Variants in KCNT1 observed in about 807,000 individuals in gnomAD.
KCNT1 encodes the protein potassium sodium-activated channel subfamily T member 1, also known as potassium channel subfamily T member 1.
A neutral mutation model predicts 147.8 loss-of-function variants in KCNT1; 78 were observed. The ratio of observed to expected loss-of-function variants is 0.53; its 90% CI spans 0.44 to 0.64. The LOEUF (loss-of-function observed/expected upper bound fraction) is 0.64, where lower values mean the gene tolerates loss of function less well. Ranked by LOEUF, KCNT1 falls within the 30% of genes least tolerant of loss-of-function variation. KCNT1 has a pLI of 0.00. For synonymous variants in KCNT1, 867 were observed against 748.8 expected (o/e 1.16, Z -2.58); for missense variants, 1,419 against 1,750.3 (o/e 0.81, Z 3.38).
intron 2 of KCNT1, among the ~76,000 whole-genome samples, chr9:135,737,460 C>T (rs1015279622): frequency 3.3e-4 from 50 of 152,180 alleles, no homozygotes; most frequent in African/African-American, 1.1e-3. Context: ...TGCCAGGAGC[C>T]GTTCTAGATG....
chr9:135,725,051 G>T (rs374166413), intron 2 of KCNT1, among the ~76,000 whole-genome samples: 24 of 152,330 alleles, frequency 1.6e-4, no homozygotes, highest in East Asian at 1.4e-3. Context: ...AGGCAACTGC[G>T]TGGGGGGGCG....
chr9:135,703,325 G>A (rs1411679182), intron 1 of KCNT1, among the ~76,000 whole-genome samples: 1 of 152,210 alleles, frequency 6.6e-6, no homozygotes, highest in Admixed American at 6.5e-5. Context: ...CCTGAGAGCG[G>A]GAGGCCTGGT....
intron 7 of KCNT1, 48 bp downstream of exon 7, chr9:135,756,980 C>T: frequency 7.8e-7 from 1 of 1,280,404 alleles, no homozygotes; most frequent in Non-Finnish European, 1.1e-6. Context: ...CCCACCCTCC[C>T]CACCCTCCCC....
chr9:135,786,603 C>T (rs1189101093), intron 29 of KCNT1, 82 bp downstream of exon 29: 46 of 1,317,498 alleles, frequency 3.5e-5, no homozygotes, highest in East Asian at 1.4e-4. Context: ...TCGGCCACGG[C>T]GTCCCGGGGC....
intron 13 of KCNT1, among the ~76,000 whole-genome samples, chr9:135,767,021 C>T (rs1832336554): frequency 6.6e-6 from 1 of 152,128 alleles, no homozygotes; most frequent in African/African-American, 2.4e-5. Flanking sequence ...TGGAACTTTC[C>T]AGAATGTGTC....
chr9:135,772,350 T>G (rs1420156774), intron 18 of KCNT1, among the ~76,000 whole-genome samples: 1 of 152,092 alleles, frequency 6.6e-6, no homozygotes, highest in South Asian at 2.1e-4. Flanking sequence ...GCTCCCCACC[T>G]GGCCCCATCC....
At chr9:135,779,564 G>A in intron 24 of KCNT1, 94 bp downstream of exon 24, 3 of 951,524 alleles carry the variant, frequency 3.2e-6, no homozygotes, top group Middle Eastern at 2.2e-4. Context: ...TGCCATGGGA[G>A]GCTGGGCTCC....
chr9:135,788,102 G>A (rs766221973), intron 29 of KCNT1: 3 of 1,607,912 alleles, frequency 1.9e-6, no homozygotes, highest in East Asian at 4.5e-5. Context: ...TTCTGTAGAG[G>A]ACGTAGCAAA....
rs1432425822 is a variant in KCNT1, at chr9:135,752,547, C to T, written c.435-1390C>T. On this transcript the variant is annotated intron_variant, in intron 4 of 30. Transcript: ENST00000371757. This position sits in a 1 kb window ranked among gnomAD's most constrained non-coding sequence, Gnocchi z 5.1. ...AAGTCTGTTGTGTTCACTGCCCGTC[C>T]CCTAGCACAGCGTCCAGGACATGGA... 2 of 415,332 alleles carry T rather than the reference C, an allele frequency of 4.8e-6. No individual in the cohort carries two copies. The highest frequency in any genetic ancestry group is 5.3e-4 in the Middle Eastern group (1 of 1,896). 25.7% of individuals were successfully genotyped at this position (415,332 alleles called of 1,614,324 possible).
At chr9:135,705,099 CTT>C (rs1835198598) in intron 1 of KCNT1, among the ~76,000 whole-genome samples, 1 of 152,244 alleles carries the variant, frequency 6.6e-6, no homozygotes, top group Admixed American at 6.5e-5. Flanking sequence ...ATGGGGAGCT[CTT>C]GATTAACACA....
At chr9:135,744,480 C>T (rs1422776227) in intron 2 of KCNT1, among the ~76,000 whole-genome samples, 2 of 152,206 alleles carry the variant, frequency 1.3e-5, no homozygotes, top group African/African-American at 4.8e-5. Flanking sequence ...AGGACTGGGG[C>T]AGAGCCGCCA....
rs1372229145 is a variant in KCNT1 at position 135,793,667 on chromosome 9, A to AG, written c.*1510dup. On this transcript the variant is annotated 3_prime_UTR_variant, in exon 31 of 31. Transcript: ENST00000371757. ...GGGCAGACAACACAGCAGCTGCTGG[A>AG]GGGGCCGGCCCTGGCCACACAGACT... 1 of 152,362 alleles carries AG rather than the reference A, an allele frequency of 6.6e-6. No homozygotes were observed. Among genetic ancestry groups the AG allele is most frequent in the Non-Finnish European group, 1.5e-5 (1 of 68,166 alleles). 9.4% of individuals were successfully genotyped at this position (152,362 alleles called of 1,614,324 possible). A position where few individuals can be genotyped will look rare whatever the true frequency, so the allele number is the denominator to read the frequency against.
At chr9:135,766,666 C>G (rs912011897) in intron 13 of KCNT1, 3 of 152,920 alleles carry the variant, frequency 2.0e-5, no homozygotes, top group African/African-American at 7.2e-5. Flanking sequence ...GTAGACTGTC[C>G]GGGGCCTCTT....
intron 11 of KCNT1, among the ~76,000 whole-genome samples, chr9:135,764,049 G>A (rs116522369): frequency 1.8e-3 from 281 of 152,270 alleles, no homozygotes; most frequent in African/African-American, 6.5e-3. Context: ...CCTCGTCACC[G>A]GAACAAAGCA....
Position 135,768,884 on chromosome 9 carries a change from C to T in KCNT1, c.1457C>T (p.Pro486Leu). ...GTGAAGGACTTCGCCCCCAACTGCC[C>T]CCTCTACGTCCAGATCCTCAAACCT... Reference protein sequence around the residue: ...WAVKDFAPNCPLYVQILKPEN... With the variant: ...WAVKDFAPNCLLYVQILKPEN... Residue 486 changes from proline to leucine, a missense_variant, in exon 15 of 31, where the codon CCC becomes CTC. Physicochemically the swap from Pro to Leu is moderately conservative, Grantham distance 98 (BLOSUM62 -3). This residue lies in a region of KCNT1 where 401 missense variants were observed against 610.6 expected (regional missense o/e 0.66). Coordinates refer to ENST00000371757, the MANE Select transcript of KCNT1 (RefSeq NM_020822.3). The T allele has an allele frequency of 6.2e-7, 1 of 1,613,580 alleles. No individual in the cohort carries two copies. Among genetic ancestry groups the T allele is most frequent in the Non-Finnish European group, 8.5e-7 (1 of 1,179,926 alleles).
At position 135,753,964 on chromosome 9, in the gene KCNT1, C is replaced by A; in HGVS notation, c.462C>A (p.Ser154=). The change falls in exon 5 of 31, where the codon TCC becomes TCA. Residue 154 remains serine, a synonymous_variant. Coordinates refer to ENST00000371757, the MANE Select transcript of KCNT1 (RefSeq NM_020822.3). ...GGGGCTGCCCAAAGCAGAACTACTC[C>A]TTCAATGACTCGTCCTCCGAGATCA... ...GCWGCPKQNY[S]FNDSSSEINW... is the part of the protein sequence containing the mutation. The A allele has an allele frequency of 6.2e-7, 1 of 1,614,154 alleles. No individual in the cohort carries two copies. Among genetic ancestry groups the A allele is most frequent in the South Asian group, 1.1e-5 (1 of 91,086 alleles).
intron 2 of KCNT1, among the ~76,000 whole-genome samples, chr9:135,734,115 C>G (rs1438774321): frequency 6.6e-6 from 1 of 152,224 alleles, no homozygotes; most frequent in Non-Finnish European, 1.5e-5. Context: ...CACGTTTGAA[C>G]CACAGCGTCT....
rs1831657824 is a variant in KCNT1, at chr9:135,758,339, C to T, written c.760-75C>T. The T allele has an allele frequency of 4.3e-6, 5 of 1,151,310 alleles. No individual in the cohort carries two copies. In the South Asian group the frequency reaches 6.1e-5, roughly 14 times the overall value. 71.3% of individuals were successfully genotyped at this position (1,151,310 alleles called of 1,614,324 possible). ...GCCGGGCCGTCTGCTTTCCACTGTC[C>T]TTCTAGTCTCTATTCATTGGCTCCT... On this transcript the variant is annotated intron_variant, in intron 9 of 30. Coordinates refer to ENST00000371757, the MANE Select transcript of KCNT1 (RefSeq NM_020822.3).
intron 4 of KCNT1, chr9:135,753,689 C>T: frequency 1.7e-6 from 1 of 578,498 alleles, no homozygotes. Flanking sequence ...CGCTGTCTGC[C>T]TGCTGGGCTG....
Sources: gnomAD v4.1 joint callset for allele counts (sites outside exome capture counted in the v4.1 genomes callset) on GRCh38, gnomAD v4.1.1 for gene constraint, gnomAD v4.1.1 regional missense constraint, Gnocchi (gnomAD v3.1) non-coding constraint, MANE v1.5 for transcripts, NCBI Gene and HGNC (gene_info 2026-07-23, HGNC 2026-07-21) for gene names.